Variants in CDC27 observed in about 807,000 individuals in gnomAD.
CDC27 encodes cell division cycle protein 27 homolog.
Under a neutral mutation model 109.7 loss-of-function variants are expected in CDC27, and 27 were observed. The ratio of observed to expected loss-of-function variants is 0.25; its 90% CI spans 0.18 to 0.34. The LOEUF is 0.34. CDC27 is among the 10% of genes least tolerant of loss of function. The pLI is 1.00. For synonymous variants in CDC27, 266 were observed against 333.9 expected, an observed-to-expected ratio of 0.80 and a Z score of 2.22; for missense variants, 579 against 960.2, an observed-to-expected ratio of 0.60 and a Z score of 5.25.
intron 1 of CDC27, among the ~76,000 whole-genome samples, chr17:47,182,721 A>G (rs2064291287): frequency 6.6e-6 from 1 of 152,198 alleles, no homozygotes; most frequent in Non-Finnish European, 1.5e-5. Context: ...CATTGTATAA[A>G]CATATCAAAA....
chr17:47,147,945 A>G (rs1327490751), intron 9 of CDC27, among the ~76,000 whole-genome samples: 1 of 150,658 alleles, frequency 6.6e-6, no homozygotes, highest in African/African-American at 2.4e-5. Flanking sequence ...TCACACCTGT[A>G]ATCCCAGCAC....
rs372774440 is a variant in CDC27, at chr17:47,122,578, G to A, written c.2258C>T (p.Thr753Met). The A allele has an allele frequency of 2.3e-5, 37 of 1,597,348 alleles. No homozygotes were observed. The highest frequency in any genetic ancestry group is 1.7e-4 in the African/African-American group (13 of 74,376). ...AGAGAAATTCATCAGGGCGAGGTGC[G>A]TTTGACCTAACTTCTTGTAAACCTA... ...IGKVYKKLGQ[T>M]HLALMNFSWA... Residue 753 changes from threonine (T) to methionine (M), a missense_variant, in exon 18 of 19, where the codon ACG becomes ATG. Coordinates refer to ENST00000066544, the MANE Select transcript of CDC27 (RefSeq NM_001256.6).
chr17:47,152,724 T>G (rs2148901959), intron 8 of CDC27, among the ~76,000 whole-genome samples: 1 of 152,340 alleles, frequency 6.6e-6, no homozygotes, highest in South Asian at 2.1e-4. Flanking sequence ...TAATAATCAC[T>G]GTCTCATCAG....
In CDC27 at chr17:47,151,843, T is replaced by A; in HGVS notation, c.1033A>T (p.Ile345Phe). ...QSGNSREVTP[I>F]LAQTQSSGPQ... ...CCAGAACTTTGTGTTTGTGCAAGAA[T>A]TGGAGTTACCTCTCGGCTATTTCCA... The change falls in exon 9 of 19, where the codon ATT (isoleucine) becomes TTT (phenylalanine). Residue 345 changes from isoleucine (I) to phenylalanine (F), a missense_variant. By Grantham distance (21) the Ile-to-Phe change is conservative. Transcript: ENST00000066544. 6.2e-7 allele frequency: 1 copy of A among 1,606,588 alleles called. No individual in the cohort carries two copies.
intron 7 of CDC27, among the ~76,000 whole-genome samples, chr17:47,155,526 A>G (rs1370130488): frequency 1.3e-5 from 2 of 152,198 alleles, no homozygotes; most frequent in African/African-American, 4.8e-5. Flanking sequence ...GATTACAGGC[A>G]TGAGCCCCCA....
intron 4 of CDC27, chr17:47,159,287 G>T: frequency 1.7e-6 from 1 of 587,680 alleles, no homozygotes; most frequent in South Asian, 2.9e-5. Flanking sequence ...AGGGAGACTT[G>T]GTGAATACAG....
chr17:47,143,842 A>T, intron 10 of CDC27, 41 bp downstream of exon 10: 1 of 919,116 alleles, frequency 1.1e-6, no homozygotes, highest in Non-Finnish European at 1.6e-6. Context: ...TTAGCAGGCG[A>T]AGCATTAAGT....
intron 14 of CDC27, among the ~76,000 whole-genome samples, chr17:47,134,885 A>G (rs950622778): frequency 1.4e-4 from 21 of 147,958 alleles, no homozygotes; most frequent in African/African-American, 5.3e-4. Context: ...TCAGCTTCCT[A>G]AAGTGCTGGG....
intron 14 of CDC27, among the ~76,000 whole-genome samples, chr17:47,136,197 C>G (rs867987490): frequency 2.0e-5 from 3 of 151,962 alleles, no homozygotes; most frequent in Admixed American, 1.3e-4. Context: ...TTACAGAGAA[C>G]ATAGCTATCG....
chr17:47,163,416 C>T (rs1383804398), intron 4 of CDC27, among the ~76,000 whole-genome samples: 2 of 152,088 alleles, frequency 1.3e-5, no homozygotes, highest in African/African-American at 4.8e-5. Flanking sequence ...AAAAATAACC[C>T]TTGGCTGGGT....
chr17:47,142,768 T>A (rs771047738), intron 10 of CDC27, among the ~76,000 whole-genome samples: 19 of 152,188 alleles, frequency 1.2e-4, no homozygotes, highest in Non-Finnish European at 2.4e-4. Flanking sequence ...AACCTCTGCC[T>A]CCCGGGTTCA....
At chr17:47,131,645 T>C (rs73310804) in intron 15 of CDC27, among the ~76,000 whole-genome samples, 464 of 151,594 alleles carry the variant, frequency 3.1e-3, no homozygotes, top group African/African-American at 0.011. Context: ...AATGTACATA[T>C]CTTTTCTCCT....
chr17:47,149,448 T>G (rs2148892019), intron 9 of CDC27, among the ~76,000 whole-genome samples: 1 of 148,816 alleles, frequency 6.7e-6, no homozygotes. Flanking sequence ...GTGGCAGAAG[T>G]TGCAGTGAGC....
intron 9 of CDC27, among the ~76,000 whole-genome samples, chr17:47,149,725 C>A (rs987849665): frequency 6.6e-6 from 1 of 151,924 alleles, no homozygotes; most frequent in South Asian, 2.1e-4. Context: ...GAGGCTGAGG[C>A]GGGTGGATCA....
At chr17:47,142,061 C>T (rs374698945) in intron 11 of CDC27, 36 bp from the exon 12 acceptor site, 46 of 1,450,586 alleles carry the variant, frequency 3.2e-5, no homozygotes, top group African/African-American at 2.4e-4. Context: ...AAGGAAAAAA[C>T]GCAATAAACT....
At chr17:47,158,413 T>C in intron 4 of CDC27, 110 bp from the exon 5 acceptor site, 1 of 433,940 alleles carries the variant, frequency 2.3e-6, no homozygotes, top group East Asian at 3.5e-5. Context: ...AGAGCACTCT[T>C]TGTGATGCTT....
At position 47,123,949 on chromosome 17, in the gene CDC27, T is replaced by C. The variant is rs2062053119; in HGVS notation, c.2172A>G (p.Gln724=). The C allele has an allele frequency of 6.3e-7, 1 of 1,595,916 alleles. No individual in the cohort carries two copies. The highest frequency in any genetic ancestry group is 8.5e-7 in the Non-Finnish European group (1 of 1,174,988). Residue 724 remains glutamine, a synonymous_variant, in exon 17 of 19, where the codon CAA becomes CAG. Transcript: ENST00000066544. ...CAATTTGTTTCAATTCTTCAAGTTC[T>C]TGTAAAGCAGACTGAAAAAGGCAAA... ...FANEKYKSAL[Q]ELEELKQIVP... is the part of the protein sequence containing the mutation.
chr17:47,134,467 C>A (rs751424835), intron 14 of CDC27, among the ~76,000 whole-genome samples: 1 of 151,706 alleles, frequency 6.6e-6, no homozygotes, highest in Non-Finnish European at 1.5e-5. Context: ...CACCACCATG[C>A]CTAATTGTTT....
At chr17:47,133,326 C>T (rs574446031) in intron 14 of CDC27, among the ~76,000 whole-genome samples, 6 of 149,912 alleles carry the variant, frequency 4.0e-5, no homozygotes, top group South Asian at 2.1e-4. Flanking sequence ...TTAGCAGAGA[C>T]GGGGTTTCTC....
Sources: gnomAD v4.1 joint callset for allele counts (sites outside exome capture counted in the v4.1 genomes callset) on GRCh38, gnomAD v4.1.1 for gene constraint, MANE v1.5 for transcripts, NCBI Gene and HGNC (gene_info 2026-07-23, HGNC 2026-07-21) for gene names.